Variants in MCTP1 observed in about 807,000 individuals in gnomAD.
MCTP1 encodes the protein multiple C2 and transmembrane domain-containing protein 1.
Under a neutral mutation model 120.6 loss-of-function variants are expected in MCTP1, and 69 were observed. That is an observed-to-expected ratio of 0.57 (90% CI 0.47 to 0.70). MCTP1 has a LOEUF of 0.70. MCTP1 is among the 30% of genes least tolerant of loss of function. MCTP1 has a pLI of 0.00. For synonymous variants in MCTP1, 529 were observed against 493.1 expected, an observed-to-expected ratio of 1.07 and a Z score of -0.96; for missense variants, 1,203 against 1,248.8, an observed-to-expected ratio of 0.96 and a Z score of 0.55.
chr5:94,744,450 C>A (rs1002886931), intron 19 of MCTP1, among the ~76,000 whole-genome samples: 8 of 152,310 alleles, frequency 5.3e-5, no homozygotes, highest in African/African-American at 1.9e-4. Context: ...TCCTGCCCTG[C>A]TGGCGTTATG....
Position 94,752,468 on chromosome 5 carries a change from C to CAA in MCTP1, c.2610+26640_2610+26641dup, listed in dbSNP as rs1768721218. Among the ~76,000 whole-genome samples, 3 of 152,062 alleles carry CAA rather than the reference C, an allele frequency of 2.0e-5. No homozygotes were observed. The South Asian group carries it at 6.2e-4, about 32-fold the overall frequency. ...GGGTCAAATAGGTAGGCTGAGTTTGCAAGTGCTTGAAGCTAAAATTCTCAA... is the reference window on the plus strand; with the variant it reads ...GGGTCAAATAGGTAGGCTGAGTTTGCAAAAGTGCTTGAAGCTAAAATTCTCAA... On this transcript the variant is annotated intron_variant, in intron 19 of 22. Transcript: ENST00000515393.
intron 17 of MCTP1, among the ~76,000 whole-genome samples, chr5:94,842,040 C>T (rs1362826868): frequency 6.6e-6 from 1 of 152,132 alleles, no homozygotes; most frequent in Non-Finnish European, 1.5e-5. Context: ...CCACCAACAC[C>T]CCACCACACA....
chr5:95,117,712 A>C (rs1277949500), intron 1 of MCTP1, among the ~76,000 whole-genome samples: 2 of 152,206 alleles, frequency 1.3e-5, no homozygotes, highest in African/African-American at 4.8e-5. Context: ...ATACATGTAC[A>C]CATATGTTTA....
At chr5:94,803,026 C>G (rs1404016026) in intron 17 of MCTP1, among the ~76,000 whole-genome samples, 1 of 152,128 alleles carries the variant, frequency 6.6e-6, no homozygotes, top group Non-Finnish European at 1.5e-5. Flanking sequence ...TCACGTCTCC[C>G]CCATCTCTCC....
At chr5:94,743,212 G>C (rs965178399) in intron 19 of MCTP1, among the ~76,000 whole-genome samples, 1 of 150,276 alleles carries the variant, frequency 6.7e-6, no homozygotes, top group Admixed American at 6.6e-5. Context: ...TAAATGGGAC[G>C]AAGCAAGAAT....
intron 1 of MCTP1, among the ~76,000 whole-genome samples, chr5:95,159,793 AAC>A (rs1006983495): frequency 3.9e-5 from 6 of 152,116 alleles, no homozygotes; most frequent in African/African-American, 1.4e-4. Flanking sequence ...ATAAAACAGA[AAC>A]ACAAAGAGGG....
intron 1 of MCTP1, among the ~76,000 whole-genome samples, chr5:95,243,293 G>A (rs1207780226): frequency 6.6e-6 from 1 of 152,228 alleles, no homozygotes; most frequent in African/African-American, 2.4e-5. Context: ...GCATACATCT[G>A]TGGTTTTAGA....
At chr5:95,062,445 C>T (rs892652232) in intron 1 of MCTP1, among the ~76,000 whole-genome samples, 9 of 152,092 alleles carry the variant, frequency 5.9e-5, no homozygotes, top group African/African-American at 2.2e-4. Flanking sequence ...AGCATGAAGT[C>T]CAGTTGAGGC....
chr5:95,067,540 T>C (rs887952721), intron 1 of MCTP1, among the ~76,000 whole-genome samples: 2 of 152,034 alleles, frequency 1.3e-5, no homozygotes, highest in African/African-American at 4.8e-5. Flanking sequence ...AAAGAATAAA[T>C]AGAAAAATAC....
intron 19 of MCTP1, among the ~76,000 whole-genome samples, chr5:94,751,848 C>T (rs1423152172): frequency 6.6e-6 from 1 of 151,418 alleles, no homozygotes; most frequent in Non-Finnish European, 1.5e-5. Context: ...CCATACTTAC[C>T]AGTCGCCTTA....
intron 6 of MCTP1, among the ~76,000 whole-genome samples, chr5:94,927,195 T>C (rs1381728335): frequency 6.6e-6 from 1 of 152,186 alleles, no homozygotes; most frequent in Non-Finnish European, 1.5e-5. Context: ...CATTATAATA[T>C]CTCTTTTAAA....
chr5:94,721,152 A>G (rs1345052375), intron 19 of MCTP1, among the ~76,000 whole-genome samples: 1 of 152,224 alleles, frequency 6.6e-6, no homozygotes. Flanking sequence ...AGCCTTGAGA[A>G]TCACCATAGA....
intron 2 of MCTP1, among the ~76,000 whole-genome samples, chr5:94,977,279 T>G (rs1828327137): frequency 6.6e-6 from 1 of 152,008 alleles, no homozygotes; most frequent in Non-Finnish European, 1.5e-5. Context: ...GTAAAAGACT[T>G]GTACACTGAA....
chr5:95,190,919 G>T (rs916274216), intron 1 of MCTP1, among the ~76,000 whole-genome samples: 2 of 151,906 alleles, frequency 1.3e-5, no homozygotes, highest in Non-Finnish European at 2.9e-5. Context: ...CATTAGAGTT[G>T]AAAATTAACC....
At position 94,982,884 on chromosome 5, in the gene MCTP1, CAAAAAAAAAAA is replaced by C. The variant is rs34561115; in HGVS notation, c.839-29534_839-29524del. 9.1e-4 allele frequency among the ~76,000 whole-genome samples: 26 copies of C among 28,624 alleles called. 1 individual carries two copies. Among genetic ancestry groups the C allele is most frequent in the Non-Finnish European group, 1.8e-3 (22 of 12,006 alleles). 18.8% of individuals were successfully genotyped at this position (28,624 alleles called of 152,430 possible). A position where few individuals can be genotyped will look rare whatever the true frequency, so the allele number is the denominator to read the frequency against. On this transcript the variant is annotated intron_variant, in intron 2 of 22. Coordinates refer to ENST00000515393, the MANE Select transcript of MCTP1 (RefSeq NM_024717.7). The stretch of plus-strand genomic sequence containing the variant: ...ACCTGGGGGACAGAGCACACTTCAT[CAAAAAAAAAAA>C]AAAAAAAAAAAAAAAAAAGATGGTC...
chr5:94,961,913 G>T (rs1045071812), intron 2 of MCTP1, among the ~76,000 whole-genome samples: 26 of 152,114 alleles, frequency 1.7e-4, no homozygotes, highest in African/African-American at 6.3e-4. Context: ...TTGCTAATTT[G>T]TTTGTGCTCA....
intron 18 of MCTP1, among the ~76,000 whole-genome samples, chr5:94,786,784 T>C (rs1341134358): frequency 6.6e-6 from 1 of 152,238 alleles, no homozygotes; most frequent in Non-Finnish European, 1.5e-5. Flanking sequence ...TCTCATTTAA[T>C]GGCAAATTAT....
At position 94,870,480 on chromosome 5, in the gene MCTP1, G is replaced by T. The variant is rs2153302269; in HGVS notation, c.2253C>A (p.Ser751Arg). 1 of 1,610,126 alleles carries T rather than the reference G, an allele frequency of 6.2e-7. No homozygotes were observed. The highest frequency in any genetic ancestry group is 1.1e-5 in the South Asian group (1 of 91,000). Residue 751 changes from serine to arginine, a missense_variant, in exon 16 of 23, where the codon AGC becomes AGA. Around this residue, in one of 2 missense-constraint regions of MCTP1, gnomAD observed 740 missense variants for 871.1 expected, o/e 0.85. Coordinates refer to ENST00000515393, the MANE Select transcript of MCTP1 (RefSeq NM_024717.7). ...GTTCTTTGGGTATTAATGTTCGTAA[G>T]CTGGCTTTCACCTATACATCAACAT... The part of the protein sequence containing the change: ...IDVIFNAVKA[S>R]LRTLIPKEQK...
intron 2 of MCTP1, among the ~76,000 whole-genome samples, chr5:94,957,837 C>A (rs1823028171): frequency 6.6e-6 from 1 of 152,204 alleles, no homozygotes; most frequent in Non-Finnish European, 1.5e-5. Context: ...TTTAACACCC[C>A]ACTGTCTATA....
Sources: allele counts gnomAD v4.1 joint callset (sites outside exome capture counted in the v4.1 genomes callset), GRCh38; gene constraint gnomAD v4.1.1; regional missense constraint gnomAD v4.1.1; transcripts MANE v1.5; gene names NCBI Gene and HGNC (gene_info 2026-07-23, HGNC 2026-07-21).